PLAAT5: variants seen among roughly 807,000 people sequenced by gnomAD.
The protein encoded by PLAAT5 is phospholipase A and acyltransferase 5, also known as Ca(2+)-independent N-acyltransferase.
A neutral mutation model predicts 27.8 loss-of-function variants in PLAAT5; 27 were observed. The ratio of observed to expected loss-of-function variants is 0.97; its 90% CI spans 0.72 to 1.34. PLAAT5 has a LOEUF of 1.34. Ranked by LOEUF, PLAAT5 falls within the 40% of genes most tolerant of loss-of-function variation. The probability of loss-of-function intolerance (pLI) is 0.00; values close to 1 mark genes in which losing one functional copy is unlikely to be tolerated. For missense variants in PLAAT5, 368 were observed against 343.8 expected (o/e 1.07, Z -0.56); for synonymous variants, 125 against 136.1 (o/e 0.92, Z 0.57).
At chr11:63,469,385 G>A in intron 3 of PLAAT5, 1 of 249,104 alleles carries the variant, frequency 4.0e-6, no homozygotes, top group Non-Finnish European at 8.9e-6. Flanking sequence ...TGGTATTGCT[G>A]TCTCTAAGCC....
Position 63,487,680 on chromosome 11 carries a change from C to G in PLAAT5, c.345+1191G>C, listed in dbSNP as rs1032577721. ...AAAATATACAGTCTGCACAAAGACT[C>G]GTACATAAATGTTCAAGCAGATTTG... On this transcript the variant is annotated intron_variant, in intron 3 of 5. Transcript: ENST00000540857. 4.6e-5 allele frequency among the ~76,000 whole-genome samples: 7 copies of G among 152,262 alleles called. No homozygotes were observed. The South Asian group carries it at 8.3e-4, about 18-fold the overall frequency.
At chr11:63,480,787 T>C (rs1281370274) in intron 3 of PLAAT5, among the ~76,000 whole-genome samples, 2 of 152,200 alleles carry the variant, frequency 1.3e-5, no homozygotes, top group Non-Finnish European at 2.9e-5. Flanking sequence ...TTTCATGAAG[T>C]TCTGCTAACT....
intron 3 of PLAAT5, among the ~76,000 whole-genome samples, chr11:63,473,957 CCAAAGGGCTAGGATTA>C (rs2016093187): frequency 1.3e-5 from 2 of 152,242 alleles, no homozygotes; most frequent in Non-Finnish European, 2.9e-5. Flanking sequence ...CCTCCACCTC[CCAAAGGGCTAGGATTA>C]CAGGCATGCC....
intron 3 of PLAAT5, among the ~76,000 whole-genome samples, chr11:63,483,252 A>C (rs1477761014): frequency 6.6e-6 from 1 of 152,072 alleles, no homozygotes; most frequent in Non-Finnish European, 1.5e-5. Context: ...CCCTAGAACA[A>C]ATAAACTTAA....
intron 3 of PLAAT5, among the ~76,000 whole-genome samples, chr11:63,475,864 T>C (rs2016141192): frequency 6.6e-6 from 1 of 152,104 alleles, no homozygotes; most frequent in African/African-American, 2.4e-5. Flanking sequence ...TTGATTCCTG[T>C]AAAATATGGA....
rs1012690280 is a variant in PLAAT5 at position 63,490,970 on chromosome 11, A to G, written c.65T>C (p.Leu22Pro). Residue 22 changes from leucine to proline, a missense_variant, in exon 1 of 6, where the codon CTC (leucine) becomes CCC (proline). Physicochemically the swap from Leu to Pro is moderately conservative, Grantham distance 98 (BLOSUM62 -3). Coordinates refer to ENST00000540857, the MANE Select transcript of PLAAT5 (RefSeq NM_001146729.2). Reference protein sequence around the residue: ...ALRLPRIPPPLPKPASRTAST... With the variant: ...ALRLPRIPPPPPKPASRTAST... ...GGCGGTTCGCGAGGCGGGTTTGGGG[A>G]GGGGTGGGGGAATCCTAGGGAGGCG... is the stretch of plus-strand genomic sequence containing the variant. The G allele has an allele frequency of 2.5e-5, 39 of 1,573,182 alleles. No homozygotes were observed. Among genetic ancestry groups the G allele is most frequent in the Middle Eastern group, 1.7e-4 (1 of 5,810 alleles).
rs2016529654 is a variant in PLAAT5 at position 63,490,269 on chromosome 11, T to C, written c.213A>G (p.Leu71=). The part of the protein sequence containing the change: ...LPAKQPPPGT[L]EQGRSIQQGE... The stretch of plus-strand genomic sequence containing the variant: ...CTTGCTGGATGCTTCTGCCCTGTTC[T>C]AATGTGCCCGGCGGAGGCTGCTTGG... Residue 71 remains leucine (L), a synonymous_variant, in exon 2 of 6, where the codon TTA becomes TTG. Coordinates refer to ENST00000540857, the MANE Select transcript of PLAAT5 (RefSeq NM_001146729.2). 4 of 1,614,246 alleles carry C rather than the reference T, an allele frequency of 2.5e-6. No homozygotes were observed. The highest frequency in any genetic ancestry group is 1.7e-5 in the Admixed American group (1 of 60,024).
In PLAAT5 at chr11:63,462,294, G is replaced by T. The variant is rs1433653131; in HGVS notation, c.*1209C>A. The stretch of plus-strand genomic sequence containing the variant: ...GAACTCAACTGATTCTCAGGCAGGG[G>T]AGTGTGAGAAGAAATGGGGAAGAGG... On this transcript the variant is annotated 3_prime_UTR_variant, in exon 6 of 6. Transcript: ENST00000540857. The T allele has an allele frequency of 6.6e-6, 1 of 152,228 alleles. No individual in the cohort carries two copies. Among genetic ancestry groups the T allele is most frequent in the Non-Finnish European group, 1.5e-5 (1 of 68,058 alleles). The allele number at this position is 152,228 out of a possible 1,614,324, so 9.4% of individuals were successfully genotyped here.
intron 3 of PLAAT5, among the ~76,000 whole-genome samples, chr11:63,488,606 G>A (rs2016490941): frequency 6.6e-6 from 1 of 151,654 alleles, no homozygotes; most frequent in Admixed American, 6.6e-5. Context: ...ATACAGCCCA[G>A]GACAGCTTTG....
At position 63,491,137 on chromosome 11, in the gene PLAAT5, G is replaced by A. The variant is rs2016562947; in HGVS notation, c.-103C>T. ...CTGGTCGGCGGAGCCGCGGAAGCTT[G>A]GGCACTGGGGGCGGCTCGGGGAGGA... On this transcript the variant is annotated 5_prime_UTR_variant, in exon 1 of 6. Transcript: ENST00000540857. 2 of 1,030,186 alleles carry A rather than the reference G, an allele frequency of 1.9e-6. No individual in the cohort carries two copies. The highest frequency in any genetic ancestry group is 1.3e-6 in the Non-Finnish European group (1 of 773,258). 63.8% of individuals were successfully genotyped at this position (1,030,186 alleles called of 1,614,324 possible).
At chr11:63,479,930 G>A (rs575616067) in intron 3 of PLAAT5, among the ~76,000 whole-genome samples, 1 of 152,294 alleles carries the variant, frequency 6.6e-6, no homozygotes, top group South Asian at 2.1e-4. Context: ...AAAGCCACTT[G>A]ACACGTTATG....
chr11:63,476,055 C>T (rs2016144428), intron 3 of PLAAT5, among the ~76,000 whole-genome samples: 1 of 152,022 alleles, frequency 6.6e-6, no homozygotes, highest in Non-Finnish European at 1.5e-5. Flanking sequence ...ATATTAACTA[C>T]ATTTTACCAT....
At chr11:63,483,176 C>G (rs2016324969) in intron 3 of PLAAT5, among the ~76,000 whole-genome samples, 1 of 150,026 alleles carries the variant, frequency 6.7e-6, no homozygotes, top group South Asian at 2.1e-4. Flanking sequence ...TTCAGTACTC[C>G]ACTGACAGCA....
chr11:63,488,376 G>GAT (rs200372772), intron 3 of PLAAT5, among the ~76,000 whole-genome samples: 2 of 151,784 alleles, frequency 1.3e-5, no homozygotes, highest in Admixed American at 6.6e-5. Context: ...GATTTGACAG[G>GAT]ATATATATAT....
At chr11:63,484,357 C>G (rs543778329) in intron 3 of PLAAT5, among the ~76,000 whole-genome samples, 6 of 151,878 alleles carry the variant, frequency 4.0e-5, no homozygotes, top group Non-Finnish European at 7.4e-5. Flanking sequence ...AAACTACAGA[C>G]CAATATCCCT....
rs2015923018 is a variant in PLAAT5 at position 63,468,429 on chromosome 11, T to C, written c.382A>G (p.Ile128Val). The change falls in exon 4 of 6, where the codon ATT (isoleucine) becomes GTT (valine). Residue 128 changes from isoleucine (I) to valine (V), a missense_variant. Coordinates refer to ENST00000540857, the MANE Select transcript of PLAAT5 (RefSeq NM_001146729.2). Reference protein sequence around the residue: ...PRPRPGDLIEIFRIGYEHWAI... With the variant: ...PRPRPGDLIEVFRIGYEHWAI... ...CAGTGCTCATAGCCAATTCGAAAAA[T>C]CTCAATCAGGTCTCCAGGTCTGGGT... 3 of 1,614,052 alleles carry C rather than the reference T, an allele frequency of 1.9e-6. No homozygotes were observed. Among genetic ancestry groups the C allele is most frequent in the Non-Finnish European group, 2.5e-6 (3 of 1,179,994 alleles).
At chr11:63,490,746 C>G in intron 1 of PLAAT5, 141 bp downstream of exon 1, 3 of 792,238 alleles carry the variant, frequency 3.8e-6, no homozygotes, top group Non-Finnish European at 2.0e-6. Context: ...AACAAGCGGT[C>G]GTTCTGAAAT....
At chr11:63,472,922 G>A (rs561802898) in intron 3 of PLAAT5, among the ~76,000 whole-genome samples, 1 of 152,136 alleles carries the variant, frequency 6.6e-6, no homozygotes, top group Non-Finnish European at 1.5e-5. Context: ...TGGGCAACAT[G>A]GTGAAACCCC....
intron 3 of PLAAT5, among the ~76,000 whole-genome samples, chr11:63,476,568 A>T (rs2016156026): frequency 6.6e-6 from 1 of 152,134 alleles, no homozygotes; most frequent in Non-Finnish European, 1.5e-5. Flanking sequence ...TCTGATGAAA[A>T]GTTGACTATT....
Sources: allele counts gnomAD v4.1 joint callset (sites outside exome capture counted in the v4.1 genomes callset), GRCh38; gene constraint gnomAD v4.1.1; transcripts MANE v1.5; gene names NCBI Gene and HGNC (gene_info 2026-07-23, HGNC 2026-07-21).